Variants in EIF3A observed in about 807,000 individuals in gnomAD.
EIF3A encodes the protein EIF3, p180 subunit.
EIF3A carries 21 observed loss-of-function variants against 186.6 expected under a neutral mutation model. That is an observed-to-expected ratio of 0.11 (90% confidence interval 0.08 to 0.16). The LOEUF (loss-of-function observed/expected upper bound fraction) is 0.16. Among genes scored for constraint, EIF3A ranks in the 10% least tolerant of loss-of-function variants. EIF3A has a pLI of 1.00. For missense variants in EIF3A, 1,306 were observed against 1,796.3 expected (o/e 0.73, Z 4.93); for synonymous variants, 563 against 584.3 (o/e 0.96, Z 0.52).
At chr10:119,075,711 C>CTTTTTTTTTT (rs58392465) in intron 1 of EIF3A, among the ~76,000 whole-genome samples, 1 of 65,274 alleles carries the variant, frequency 1.5e-5, no homozygotes, top group Non-Finnish European at 2.6e-5. Flanking sequence ...TGGAAAAAGA[C>CTTTTTTTTTT]TTTTTTTTTT....
At chr10:119,051,454 G>A (rs1034517984) in intron 14 of EIF3A, 133 bp from the exon 15 acceptor site, 9 of 868,290 alleles carry the variant, frequency 1.0e-5, no homozygotes, top group African/African-American at 5.3e-5. Flanking sequence ...AAATGAAAAC[G>A]TTAACTACAT....
intron 5 of EIF3A, among the ~76,000 whole-genome samples, chr10:119,069,987 G>A (rs1281563822): frequency 6.6e-6 from 1 of 152,100 alleles, no homozygotes; most frequent in Non-Finnish European, 1.5e-5. Context: ...ATAAGATAAT[G>A]GATGAATATT....
At chr10:119,049,704 C>T (rs1008208530) in intron 17 of EIF3A, 97 bp downstream of exon 17, 7 of 1,099,846 alleles carry the variant, frequency 6.4e-6, no homozygotes, top group Admixed American at 4.3e-5. Flanking sequence ...CACTGTACTC[C>T]AGCCTGGGCA....
chr10:119,065,652 G>A (rs1057062104), intron 6 of EIF3A, 82 bp from the exon 7 acceptor site: 7 of 990,740 alleles, frequency 7.1e-6, no homozygotes, highest in African/African-American at 1.6e-5. Flanking sequence ...TAATCTTACG[G>A]TAAGGCGTGC....
chr10:119,054,553 T>G (rs1350326181), intron 14 of EIF3A, among the ~76,000 whole-genome samples: 1 of 125,674 alleles, frequency 8.0e-6, no homozygotes, highest in Non-Finnish European at 1.7e-5. Context: ...CGTCTCTAAT[T>G]AAAAAAAAAA....
rs1047162641 is a variant in EIF3A at position 119,069,529 on chromosome 10, A to G, written c.867T>C (p.Ala289=). ...VSTVFWKSGN[A]LFHASTLHRL... ...GATGGAGTGTAGATGCATGAAAAAGAGCATTTCCAGATTTCCAAAACACAG... is the reference window on the plus strand; with the variant it reads ...GATGGAGTGTAGATGCATGAAAAAGGGCATTTCCAGATTTCCAAAACACAG... The change falls in exon 6 of 22, where the codon GCT becomes GCC. Residue 289 remains alanine (A), a synonymous_variant. Transcript: ENST00000369144. 1.9e-6 allele frequency: 3 copies of G among 1,594,150 alleles called. No homozygotes were observed. The highest frequency in any genetic ancestry group is 1.7e-5 in the Admixed American group (1 of 59,954).
At position 119,058,295 on chromosome 10, in the gene EIF3A, T is replaced by C. The variant is rs780264367; in HGVS notation, c.1638A>G (p.Lys546=). The C allele has an allele frequency of 1.8e-5, 29 of 1,567,616 alleles. 1 individual carries two copies. In the Admixed American group the frequency reaches 3.4e-4, roughly 18 times the overall value. The change falls in exon 12 of 22, where the codon AAA becomes AAG. Residue 546 remains lysine (K), a synonymous_variant. Coordinates refer to ENST00000369144, the MANE Select transcript of EIF3A (RefSeq NM_003750.4). ...TGACAGCCAACTGATGCTGTTCTTC[T>C]TTCTCTTGCTTCAAAAACAAATGAA... ...VIKPAHILQE[K]EEQHQLAVTA... is the part of the protein sequence containing the mutation.
chr10:119,049,360 C>T lies in EIF3A; in HGVS notation c.2658+441G>A, dbSNP rs117428021. ...AAAATCAGCCAGGCATGGTGTTGGGCGCCTATAATTCCAACTACTTGGAAG... is the reference window on the plus strand; with the variant it reads ...AAAATCAGCCAGGCATGGTGTTGGGTGCCTATAATTCCAACTACTTGGAAG... On this transcript the variant is annotated intron_variant, in intron 17 of 21. Coordinates refer to ENST00000369144, the MANE Select transcript of EIF3A (RefSeq NM_003750.4). Among the ~76,000 whole-genome samples, 1,088 of 151,766 alleles carry T rather than the reference C, an allele frequency of 7.2e-3. 8 individuals carry two copies. Among genetic ancestry groups the T allele is most frequent in the Admixed American group, 0.011 (172 of 15,246 alleles).
rs767679172 is a variant in EIF3A at position 119,051,207 on chromosome 10, C to T, written c.2311G>A (p.Val771Ile). The stretch of plus-strand genomic sequence containing the variant: ...AAAATCAGCAAGCTCACCTCATAAA[C>T]AGACTGCCGTGCAGCTTTGAGTCGC... ...VMRLKAARQS[V>I]YEEKLKQFEE... The change falls in exon 15 of 22, where the codon GTT becomes ATT. Residue 771 changes from valine (V) to isoleucine (I), a missense_variant. Transcript: ENST00000369144. 6.2e-7 allele frequency: 1 copy of T among 1,605,564 alleles called. No homozygotes were observed. The highest frequency in any genetic ancestry group is 1.1e-5 in the South Asian group (1 of 88,954).
At position 119,036,016 on chromosome 10, in the gene EIF3A, G is replaced by A. The variant is rs1017028448; in HGVS notation, c.*23C>T. On this transcript the variant is annotated 3_prime_UTR_variant, in exon 22 of 22. Transcript: ENST00000369144. ...GTGATCAAACCTATTTAAGACACCA[G>A]TTTAAATCCATTATCTTGAGACTTA... The A allele has an allele frequency of 7.7e-6, 12 of 1,562,042 alleles. No individual in the cohort carries two copies. Among genetic ancestry groups the A allele is most frequent in the African/African-American group, 1.4e-5 (1 of 73,854 alleles).
In EIF3A at chr10:119,072,624, T is replaced by G. The variant is rs193242887; in HGVS notation, c.541+266A>C. 2.2e-3 allele frequency among the ~76,000 whole-genome samples: 336 copies of G among 152,210 alleles called. 2 individuals carry two copies. Among genetic ancestry groups the G allele is most frequent in the African/African-American group, 7.7e-3 (320 of 41,510 alleles). On this transcript the variant is annotated intron_variant, in intron 4 of 21. Coordinates refer to ENST00000369144, the MANE Select transcript of EIF3A (RefSeq NM_003750.4). ...TACACCACCACGCCCGGCTAAATTT[T>G]TTGTATTTTTAGTAGAGAAGGGGCT...
intron 14 of EIF3A, 35 bp downstream of exon 14, chr10:119,056,704 CA>C: frequency 7.5e-7 from 1 of 1,335,988 alleles, no homozygotes; most frequent in Non-Finnish European, 1.1e-6. Context: ...GATTTTATTA[CA>C]ATCTAAAAAT....
rs142520856 is a variant in EIF3A, at chr10:119,049,180, C to A, written c.2658+621G>T. Among the ~76,000 whole-genome samples, 335 of 151,884 alleles carry A rather than the reference C, an allele frequency of 2.2e-3. 2 individuals are homozygous for A. Among genetic ancestry groups the A allele is most frequent in the African/African-American group, 7.7e-3 (319 of 41,434 alleles). ...CATTAAAAAGAGCGGTGAAAATGGG[C>A]TGGGTGCGGTGGCTCGCGCCTGTAA... On this transcript the variant is annotated intron_variant, in intron 17 of 21. Coordinates refer to ENST00000369144, the MANE Select transcript of EIF3A (RefSeq NM_003750.4).
chr10:119,069,708 C>G, intron 5 of EIF3A, 54 bp from the exon 6 acceptor site: 1 of 885,396 alleles, frequency 1.1e-6, no homozygotes, highest in Non-Finnish European at 1.9e-6. Context: ...CGAAAAAAAT[C>G]TAATTCAAAT....
intron 1 of EIF3A, 145 bp from the exon 2 acceptor site, chr10:119,074,082 A>T: frequency 1.5e-6 from 1 of 652,390 alleles, no homozygotes; most frequent in Non-Finnish European, 2.4e-6. Flanking sequence ...AAGCTATGCC[A>T]TAATTATCAA....
Position 119,071,562 on chromosome 10 carries a change from C to T in EIF3A, c.542-477G>A, listed in dbSNP as rs140868542. On this transcript the variant is annotated intron_variant, in intron 4 of 21. Transcript: ENST00000369144. Reference sequence around the variant, plus strand: ...CTACTTGTTCTGTCATTTAACTGGACACGTTAATTTTTTTACCGTCACATA... The same window carrying T: ...CTACTTGTTCTGTCATTTAACTGGATACGTTAATTTTTTTACCGTCACATA... 1.7e-4 allele frequency among the ~76,000 whole-genome samples: 26 copies of T among 152,142 alleles called. No homozygotes were observed. In the East Asian group the frequency reaches 4.8e-3, roughly 28 times the overall value.
In EIF3A at chr10:119,038,092, T is replaced by G. The variant is rs1167598229; in HGVS notation, c.3728+146A>C. 4 of 695,282 alleles carry G rather than the reference T, an allele frequency of 5.8e-6. No individual in the cohort carries two copies. The Admixed American group carries it at 9.6e-5, about 17-fold the overall frequency. The allele number at this position is 695,282 out of a possible 1,614,324, so 43.1% of individuals were successfully genotyped here. On this transcript the variant is annotated intron_variant, in intron 20 of 21. Transcript: ENST00000369144. ...CCACCACGCCCGGCTAATTTTGTAT[T>G]TTTTAGTAGAGATGGGGTTTCACTA... is the stretch of plus-strand genomic sequence containing the variant.
chr10:119,059,497 G>C (rs1389609696), intron 10 of EIF3A, 100 bp from the exon 11 acceptor site: 1 of 1,304,990 alleles, frequency 7.7e-7, no homozygotes, highest in African/African-American at 1.5e-5. Context: ...AGTTCACTCA[G>C]TAAACTTTAA....
At chr10:119,073,222 C>T (rs1022093145) in intron 3 of EIF3A, among the ~76,000 whole-genome samples, 169 bp from the exon 4 acceptor site, 2 of 152,190 alleles carry the variant, frequency 1.3e-5, no homozygotes, top group East Asian at 3.8e-4. Context: ...GCATTATGTT[C>T]ATTTAAATTG....
Sources: gnomAD v4.1 joint callset for allele counts (sites outside exome capture counted in the v4.1 genomes callset) on GRCh38, gnomAD v4.1.1 for gene constraint, MANE v1.5 for transcripts, NCBI Gene and HGNC (gene_info 2026-07-23, HGNC 2026-07-21) for gene names.